Variants in TUBA1C observed in about 807,000 individuals in gnomAD.
The protein encoded by TUBA1C is tubulin alpha-1C chain.
TUBA1C carries 16 observed loss-of-function variants against 34.9 expected under a neutral mutation model. The ratio of observed to expected loss-of-function variants is 0.46; its 90% CI spans 0.31 to 0.70. The LOEUF (loss-of-function observed/expected upper bound fraction) is 0.70, where lower values mean the gene tolerates loss of function less well. Ranked by LOEUF, TUBA1C falls within the 30% of genes least tolerant of loss-of-function variation. The pLI, the probability that TUBA1C is intolerant of heterozygous loss-of-function variation, is 0.05. For synonymous variants in TUBA1C, 177 were observed against 215.9 expected (o/e 0.82, Z 1.58); for missense variants, 329 against 587.3 (o/e 0.56, Z 4.55).
chr12:49,231,856 A>G (rs1942501451), intron 1 of TUBA1C, among the ~76,000 whole-genome samples: 1 of 152,168 alleles, frequency 6.6e-6, no homozygotes. Context: ...GCCTTCTGTT[A>G]CTTTCAGAGG....
intron 1 of TUBA1C, among the ~76,000 whole-genome samples, chr12:49,249,195 A>C (rs1255120988): frequency 3.3e-5 from 5 of 152,302 alleles, no homozygotes; most frequent in Admixed American, 3.3e-4. Context: ...TGGGAGGCCG[A>C]GTCGGGCTGA....
At chr12:49,241,077 T>C (rs1942610302) in intron 1 of TUBA1C, among the ~76,000 whole-genome samples, 1 of 152,050 alleles carries the variant, frequency 6.6e-6, no homozygotes, top group South Asian at 2.1e-4. Context: ...AATTTTTGTA[T>C]TTTTAGTCGA....
chr12:49,268,377 G>A (rs767360797), intron 1 of TUBA1C, among the ~76,000 whole-genome samples: 3 of 151,984 alleles, frequency 2.0e-5, no homozygotes, highest in African/African-American at 4.8e-5. Flanking sequence ...GGGATTACAG[G>A]CATGAGCCAC....
At chr12:49,270,936 G>A (rs1353545751) in intron 3 of TUBA1C, among the ~76,000 whole-genome samples, 3 of 152,086 alleles carry the variant, frequency 2.0e-5, no homozygotes, top group East Asian at 3.9e-4. Flanking sequence ...CCGAGATCGT[G>A]CCACTGCACT....
intron 1 of TUBA1C, among the ~76,000 whole-genome samples, chr12:49,243,651 G>A (rs1011611152): frequency 1.3e-5 from 2 of 151,630 alleles, no homozygotes; most frequent in Non-Finnish European, 2.9e-5. Flanking sequence ...TTGCTCTATC[G>A]CCCAGGCTGG....
chr12:49,256,098 C>T (rs1263160438), intron 1 of TUBA1C, among the ~76,000 whole-genome samples: 2 of 152,200 alleles, frequency 1.3e-5, no homozygotes, highest in East Asian at 3.9e-4. Context: ...GAGTGAAACC[C>T]TGTCTCAAAA....
At chr12:49,247,748 C>T (rs1942686581) in intron 1 of TUBA1C, among the ~76,000 whole-genome samples, 1 of 151,586 alleles carries the variant, frequency 6.6e-6, no homozygotes, top group Non-Finnish European at 1.5e-5. Flanking sequence ...GAGTTCAAGA[C>T]CAGCTTGGCC....
chr12:49,258,723 C>T (rs1050710062), intron 1 of TUBA1C, among the ~76,000 whole-genome samples: 2 of 151,002 alleles, frequency 1.3e-5, no homozygotes, highest in South Asian at 2.1e-4. Context: ...CTATCATGCC[C>T]GGCTATAAGT....
chr12:49,265,038 C>T (rs1470138306), upstream of TUBA1C: 1 of 1,197,690 alleles, frequency 8.3e-7, no homozygotes. Flanking sequence ...GACACGTGGC[C>T]GGGGACCGGG....
chr12:49,261,729 G>C (rs977035310), upstream of TUBA1C, among the ~76,000 whole-genome samples: 2 of 151,990 alleles, frequency 1.3e-5, no homozygotes, highest in Non-Finnish European at 2.9e-5. Flanking sequence ...ACAGGAGTTA[G>C]GCTGAAAAAA....
chr12:49,229,547 T>C (rs1015083697), intron 1 of TUBA1C, among the ~76,000 whole-genome samples: 6 of 152,174 alleles, frequency 3.9e-5, no homozygotes, highest in Non-Finnish European at 7.3e-5. Context: ...ATAAATTATC[T>C]TGTAAAAAGA....
chr12:49,241,346 T>C (rs572233912), intron 1 of TUBA1C, among the ~76,000 whole-genome samples: 17 of 152,118 alleles, frequency 1.1e-4, no homozygotes, highest in Non-Finnish European at 2.4e-4. Context: ...ACCAGGCAAA[T>C]GTTAGGTAGG....
At chr12:49,228,063 C>G (rs1051945604) in exon 1 of TUBA1C, 1 of 1,535,732 alleles carries the variant, frequency 6.5e-7, no homozygotes, top group Non-Finnish European at 8.7e-7. Context: ...CTGTACATCT[C>G]TAACTGGATT....
At chr12:49,256,035 G>A (rs938133870) in intron 1 of TUBA1C, among the ~76,000 whole-genome samples, 5 of 152,224 alleles carry the variant, frequency 3.3e-5, no homozygotes, top group South Asian at 2.1e-4. Flanking sequence ...AGCCTGGGAC[G>A]TTGAGGCTGC....
chr12:49,236,821 T>A (rs1942559835), intron 1 of TUBA1C, among the ~76,000 whole-genome samples: 1 of 152,210 alleles, frequency 6.6e-6, no homozygotes, highest in African/African-American at 2.4e-5. Flanking sequence ...ATGATAAGTA[T>A]TCCTGTATCT....
chr12:49,246,062 GCCCACC>G (rs1348562527), intron 1 of TUBA1C, among the ~76,000 whole-genome samples: 1 of 151,818 alleles, frequency 6.6e-6, no homozygotes, highest in East Asian at 2.0e-4. Flanking sequence ...GCGCCACCAC[GCCCACC>G]TAATTTTTGT....
At chr12:49,270,286 A>T (rs1942974065) in intron 3 of TUBA1C, 11 of 473,132 alleles carry the variant, frequency 2.3e-5, no homozygotes, top group Non-Finnish European at 4.2e-5. Context: ...GTCATTTTTT[A>T]AAAATCTGGG....
At chr12:49,243,347 G>A (rs907180309) in intron 1 of TUBA1C, among the ~76,000 whole-genome samples, 4 of 152,002 alleles carry the variant, frequency 2.6e-5, no homozygotes, top group Non-Finnish European at 4.4e-5. Context: ...AAGCTAAGGC[G>A]GGAGAATTGG....
At chr12:49,243,118 A>G (rs1942634144) in intron 1 of TUBA1C, among the ~76,000 whole-genome samples, 1 of 152,110 alleles carries the variant, frequency 6.6e-6, no homozygotes, top group Admixed American at 6.6e-5. Context: ...GTGACTTCCA[A>G]TTCTAAGAAG....
Sources: allele counts gnomAD v4.1 joint callset (sites outside exome capture counted in the v4.1 genomes callset), GRCh38; gene constraint gnomAD v4.1.1; transcripts MANE v1.5; gene names NCBI Gene and HGNC (gene_info 2026-07-23, HGNC 2026-07-21).